RTN1: variants seen among roughly 807,000 people sequenced by gnomAD.
The protein encoded by RTN1 is reticulon-1.
In RTN1, 25 loss-of-function variants were observed where a neutral mutation model predicts 65.5. The observed-to-expected ratio is 0.38, with a 90% CI of 0.28 to 0.53. The LOEUF is 0.53. RTN1 is among the 20% of genes least tolerant of loss of function. RTN1 has a pLI of 0.79. For synonymous variants in RTN1, 471 were observed against 447.6 expected (o/e 1.05, Z -0.66); for missense variants, 983 against 1,025.4 (o/e 0.96, Z 0.57).
chr14:59,618,767 A>T (rs1882176303), intron 3 of RTN1, among the ~76,000 whole-genome samples: 1 of 152,234 alleles, frequency 6.6e-6, no homozygotes, highest in Non-Finnish European at 1.5e-5. Flanking sequence ...TAGTTTAGGG[A>T]AATCTGATTA....
intron 1 of RTN1, among the ~76,000 whole-genome samples, chr14:59,748,295 G>A (rs1257505054): frequency 7.6e-6 from 1 of 130,956 alleles, no homozygotes; most frequent in African/African-American, 2.9e-5. Context: ...CTTTCTTTTT[G>A]GTTGCACAAG....
At position 59,816,669 on chromosome 14, in the gene RTN1, C is replaced by A. The variant is rs1370600752; in HGVS notation, c.241+53721G>T. ...CCAGTACTAGCGGGGCACAGTGGCT[C>A]ATGCCTGTAATCCCAGCACTTTAGG... On this transcript the variant is annotated intron_variant, in intron 1 of 8. Transcript: ENST00000267484. This position sits in a 1 kb window ranked among gnomAD's most constrained non-coding sequence, Gnocchi z 4.3. Among the ~76,000 whole-genome samples the A allele has an allele frequency of 6.6e-6, 1 of 152,196 alleles. No individual in the cohort carries two copies. The highest frequency in any genetic ancestry group is 1.9e-4 in the East Asian group (1 of 5,200).
At chr14:59,635,705 TAATC>T (rs1478070130) in intron 3 of RTN1, among the ~76,000 whole-genome samples, 2 of 152,072 alleles carry the variant, frequency 1.3e-5, no homozygotes, top group African/African-American at 2.4e-5. Flanking sequence ...ACTAGAGAAT[TAATC>T]AAACAATAGA....
At chr14:59,710,045 C>CTTTTTT (rs11353177) in intron 3 of RTN1, among the ~76,000 whole-genome samples, 2 of 110,774 alleles carry the variant, frequency 1.8e-5, no homozygotes, top group African/African-American at 3.4e-5. Flanking sequence ...CTCTTTCTTT[C>CTTTTTT]TTTTTTTTTT....
At chr14:59,862,028 G>A (rs1887720308) in intron 1 of RTN1, among the ~76,000 whole-genome samples, 1 of 152,072 alleles carries the variant, frequency 6.6e-6, no homozygotes, top group South Asian at 2.1e-4. Context: ...AATACTATCT[G>A]AAATTACATA....
chr14:59,703,955 T>C (rs1279458049), intron 3 of RTN1, among the ~76,000 whole-genome samples: 2 of 152,196 alleles, frequency 1.3e-5, no homozygotes, highest in African/African-American at 4.8e-5. Flanking sequence ...TTGAAGCTCC[T>C]GGAAAAACAA....
intron 3 of RTN1, among the ~76,000 whole-genome samples, chr14:59,671,725 C>T (rs906104883): frequency 1.3e-5 from 2 of 152,124 alleles, no homozygotes; most frequent in African/African-American, 4.8e-5. Flanking sequence ...AAGCTGGGGC[C>T]AGGGCACACA....
chr14:59,651,920 G>A (rs1883028273), intron 3 of RTN1, among the ~76,000 whole-genome samples: 1 of 152,020 alleles, frequency 6.6e-6, no homozygotes, highest in South Asian at 2.1e-4. Flanking sequence ...CAGAATTGGA[G>A]AAAAATTTTG....
intron 2 of RTN1, among the ~76,000 whole-genome samples, chr14:59,732,312 A>G (rs973107565): frequency 3.3e-5 from 5 of 152,226 alleles, no homozygotes; most frequent in African/African-American, 1.2e-4. Context: ...AGGTATATGG[A>G]GCGGCCAAGA....
chr14:59,684,337 T>G (rs1436052165), intron 3 of RTN1, among the ~76,000 whole-genome samples: 1 of 152,080 alleles, frequency 6.6e-6, no homozygotes, highest in Non-Finnish European at 1.5e-5. Flanking sequence ...TTACTTTTAC[T>G]GCCAAGATTT....
intron 3 of RTN1, among the ~76,000 whole-genome samples, chr14:59,613,501 T>C (rs183613358): frequency 3.5e-4 from 53 of 152,218 alleles, no homozygotes; most frequent in African/African-American, 1.2e-3. Flanking sequence ...GTTTTCACCA[T>C]GTTGGCCAGA....
At chr14:59,770,270 T>C (rs1594735233) in intron 1 of RTN1, among the ~76,000 whole-genome samples, 1 of 146,614 alleles carries the variant, frequency 6.8e-6, no homozygotes, top group East Asian at 2.1e-4. Context: ...CCCAGCTACT[T>C]GGGAGGCTGA....
At chr14:59,600,462 G>T (rs1881544669) in intron 8 of RTN1, among the ~76,000 whole-genome samples, 1 of 152,116 alleles carries the variant, frequency 6.6e-6, no homozygotes, top group African/African-American at 2.4e-5. Flanking sequence ...TGCCAGAAAT[G>T]GACTCAGTCT....
intron 3 of RTN1, among the ~76,000 whole-genome samples, chr14:59,705,697 G>T (rs1467398401): frequency 1.3e-5 from 2 of 152,070 alleles, no homozygotes; most frequent in East Asian, 3.9e-4. Context: ...CACAGACAAG[G>T]CTGGGTTAAG....
rs916116382 is a variant in RTN1, at chr14:59,772,147, A to G, written c.242-25666T>C. ...GAAAAATAAAGTTTTTAGTTAATCA[A>G]CTGGTGTTCTGTCTACAGAATATTT... is the stretch of plus-strand genomic sequence containing the variant. On this transcript the variant is annotated intron_variant, in intron 1 of 8. Coordinates refer to ENST00000267484, the MANE Select transcript of RTN1 (RefSeq NM_021136.3). Among the ~76,000 whole-genome samples the G allele has an allele frequency of 3.9e-5, 6 of 152,164 alleles. 1 individual carries two copies. Among genetic ancestry groups the G allele is most frequent in the African/African-American group, 1.2e-4 (5 of 41,444 alleles).
At chr14:59,673,592 T>C (rs1287748743) in intron 3 of RTN1, among the ~76,000 whole-genome samples, 1 of 151,486 alleles carries the variant, frequency 6.6e-6, no homozygotes, top group Non-Finnish European at 1.5e-5. Context: ...GAGTCTGGGG[T>C]TTTTATGGGC....
chr14:59,682,037 C>A (rs1438598355), intron 3 of RTN1, among the ~76,000 whole-genome samples: 1 of 152,110 alleles, frequency 6.6e-6, no homozygotes, highest in African/African-American at 2.4e-5. Flanking sequence ...ATGGTGCTAC[C>A]CTTTAAGAAG....
rs1330241197 is a variant in RTN1 at position 59,746,069 on chromosome 14, T to C, written c.654A>G (p.Lys218=). 1 of 1,614,164 alleles carries C rather than the reference T, an allele frequency of 6.2e-7. No homozygotes were observed. The highest frequency in any genetic ancestry group is 8.5e-7 in the Non-Finnish European group (1 of 1,180,022). ...QEQHHPELED[K]DLDFKNKDTD... ...TGTCTTTATTCTTAAAGTCCAAGTC[T>C]TTATCTTCCAGCTCGGGGTGATGTT... Residue 218 remains lysine, a synonymous_variant, in exon 2 of 9, where the codon AAA becomes AAG. Transcript: ENST00000267484.
chr14:59,838,961 G>A (rs538047906), intron 1 of RTN1, among the ~76,000 whole-genome samples: 3 of 151,728 alleles, frequency 2.0e-5, no homozygotes, highest in Non-Finnish European at 4.4e-5. Context: ...TATTTATTTC[G>A]CCCTTTCTGC....
Sources: gnomAD v4.1 joint callset for allele counts (sites outside exome capture counted in the v4.1 genomes callset) on GRCh38, gnomAD v4.1.1 for gene constraint, Gnocchi (gnomAD v3.1) non-coding constraint, MANE v1.5 for transcripts, NCBI Gene and HGNC (gene_info 2026-07-23, HGNC 2026-07-21) for gene names.